The following OGFRL1 variants were observed in gnomAD, a reference collection of about 807,000 sequenced individuals.
OGFRL1 encodes the protein opioid growth factor receptor like 1.
A neutral mutation model predicts 32.4 loss-of-function variants in OGFRL1; 26 were observed. The observed-to-expected ratio is 0.80, with a 90% CI of 0.59 to 1.11. OGFRL1 has a LOEUF of 1.11. Ranked by LOEUF, OGFRL1 falls within the 50% of genes most tolerant of loss-of-function variation. The pLI is 0.00. For missense variants in OGFRL1, 521 were observed against 546.4 expected, an observed-to-expected ratio of 0.95 and a Z score of 0.46; for synonymous variants, 211 against 201.2, an observed-to-expected ratio of 1.05 and a Z score of -0.41.
At chr6:71,293,002 G>A (rs1342988595) in intron 1 of OGFRL1, among the ~76,000 whole-genome samples, 1 of 152,036 alleles carries the variant, frequency 6.6e-6, no homozygotes, top group East Asian at 1.9e-4. Flanking sequence ...TTCCATTTTT[G>A]ATGGATATTG....
intron 1 of OGFRL1, among the ~76,000 whole-genome samples, chr6:71,291,025 G>T (rs1238940183): frequency 2.0e-5 from 3 of 152,158 alleles, no homozygotes; most frequent in Non-Finnish European, 1.5e-5. Context: ...GGAAGATAAG[G>T]GGTTATCAAG....
Position 71,301,649 on chromosome 6 carries a change from A to C in OGFRL1, c.956A>C (p.Gln319Pro), listed in dbSNP as rs201295197. 1.9e-6 allele frequency: 3 copies of C among 1,614,148 alleles called. No individual in the cohort carries two copies. The East Asian group carries it at 6.7e-5, about 36-fold the overall frequency. Residue 319 changes from glutamine (Q) to proline (P), a missense_variant, in exon 7 of 7, where the codon CAG (glutamine) becomes CCG (proline). Physicochemically the swap from Gln to Pro is moderately conservative, Grantham distance 76 (BLOSUM62 -1). Coordinates refer to ENST00000370435, the MANE Select transcript of OGFRL1 (RefSeq NM_024576.5). ...ATCTGGGGACCGCCTCGAAAAGAAC[A>C]GTCGGAGGGAAGCAAAGCCCAGAAA... The part of the protein sequence containing the change: ...NFIWGPPRKE[Q>P]SEGSKAQKMS...
chr6:71,289,227 G>A (rs1765960980), intron 1 of OGFRL1, 57 bp downstream of exon 1: 2 of 1,038,420 alleles, frequency 1.9e-6, no homozygotes, highest in South Asian at 4.3e-5. Context: ...ACCCCAGAGG[G>A]GCAAGTGCCA....
At position 71,305,843 on chromosome 6, in the gene OGFRL1, G is replaced by T. The variant is rs1363125234; in HGVS notation, c.*3794G>T. 1 of 152,048 alleles carries T rather than the reference G, an allele frequency of 6.6e-6. No homozygotes were observed. The highest frequency in any genetic ancestry group is 1.5e-5 in the Non-Finnish European group (1 of 67,974). 9.4% of individuals were successfully genotyped at this position (152,048 alleles called of 1,614,324 possible). A position where few individuals can be genotyped will look rare whatever the true frequency, so the allele number is the denominator to read the frequency against. On this transcript the variant is annotated 3_prime_UTR_variant, in exon 7 of 7. Transcript: ENST00000370435. ...TGGTCAAAAATTGGGTTAACCAATG[G>T]GGGGAGAATATTTGGTTAATTGTTT... is the stretch of plus-strand genomic sequence containing the variant.
chr6:71,296,648 G>T, intron 5 of OGFRL1, 24 bp from the exon 6 acceptor site: 1 of 1,608,710 alleles, frequency 6.2e-7, no homozygotes, highest in South Asian at 1.1e-5. Flanking sequence ...CATTTCAGGT[G>T]ACTTTTTTCA....
Position 71,296,402 on chromosome 6 carries a change from T to C in OGFRL1, c.479+7T>C, listed in dbSNP as rs1418835990. 3 of 1,608,888 alleles carry C rather than the reference T, an allele frequency of 1.9e-6. No individual in the cohort carries two copies. Among genetic ancestry groups the C allele is most frequent in the Admixed American group, 3.3e-5 (2 of 59,904 alleles). On this transcript the variant is annotated splice_region_variant and intron_variant, in intron 4 of 6. Coordinates refer to ENST00000370435, the MANE Select transcript of OGFRL1 (RefSeq NM_024576.5). ...ACCACACTTACATTCAATGGTCAGTTACATATTATCTATCTTGAACCATGT... is the reference window on the plus strand; with the variant it reads ...ACCACACTTACATTCAATGGTCAGTCACATATTATCTATCTTGAACCATGT...
chr6:71,289,155 G>A lies in OGFRL1; in HGVS notation c.219G>A (p.Ala73=), dbSNP rs1765957074. 2 of 1,079,290 alleles carry A rather than the reference G, an allele frequency of 1.9e-6. No homozygotes were observed. Among genetic ancestry groups the A allele is most frequent in the Middle Eastern group, 4.1e-4 (1 of 2,430 alleles). The allele number at this position is 1,079,290 out of a possible 1,614,324, so 66.9% of individuals were successfully genotyped here. Residue 73 remains alanine (A), a synonymous_variant, in exon 1 of 7, where the codon GCG becomes GCA. Transcript: ENST00000370435. ...ASPAPDEDAE[A]AGAEQGGDST... ...CCGCGCCGGACGAGGACGCCGAGGC[G>A]GCGGGCGCCGAGCAGGTACGCGGCC...
intron 6 of OGFRL1, 79 bp from the exon 7 acceptor site, chr6:71,301,307 T>C: frequency 8.3e-7 from 1 of 1,207,696 alleles, no homozygotes; most frequent in Non-Finnish European, 1.2e-6. Context: ...CCATAAAAAA[T>C]ATTTTCCCAA....
intron 6 of OGFRL1, among the ~76,000 whole-genome samples, chr6:71,297,320 G>A (rs1193337862): frequency 2.6e-5 from 4 of 152,062 alleles, no homozygotes; most frequent in Non-Finnish European, 4.4e-5. Flanking sequence ...AATTACACTT[G>A]TCTTCACTAT....
At position 71,301,923 on chromosome 6, in the gene OGFRL1, A is replaced by C. The variant is rs1211383576; in HGVS notation, c.1230A>C (p.Thr410=). ...ACATGAATTCTCAACCTGAGAAAAC[A>C]GTTACTACTCCCACAGAAAAAAAGG... The part of the protein sequence containing the change: ...AENMNSQPEK[T]VTTPTEKKES... Residue 410 remains threonine, a synonymous_variant, in exon 7 of 7, where the codon ACA becomes ACC. Coordinates refer to ENST00000370435, the MANE Select transcript of OGFRL1 (RefSeq NM_024576.5). The C allele has an allele frequency of 3.1e-6, 5 of 1,613,958 alleles. No individual in the cohort carries two copies. The highest frequency in any genetic ancestry group is 4.2e-6 in the Non-Finnish European group (5 of 1,179,990).
chr6:71,300,239 G>C (rs1220451709), intron 6 of OGFRL1, among the ~76,000 whole-genome samples: 1 of 152,184 alleles, frequency 6.6e-6, no homozygotes, highest in Non-Finnish European at 1.5e-5. Flanking sequence ...TACCTGGGCT[G>C]TTGACAACAC....
At position 71,288,906 on chromosome 6, in the gene OGFRL1, C is replaced by CG; in HGVS notation, c.-31_-30insG. On this transcript the variant is annotated 5_prime_UTR_variant, in exon 1 of 7. Transcript: ENST00000370435. ...CTGCCGCAGCTTGCGCCCCGCAGCC[C>CG]CGCAGCCCCGCGCCCGCCGCCGCCT... 1 of 1,291,868 alleles carries CG rather than the reference C, an allele frequency of 7.7e-7. No homozygotes were observed. The highest frequency in any genetic ancestry group is 1.0e-6 in the Non-Finnish European group (1 of 1,002,114). 80.0% of individuals were successfully genotyped at this position (1,291,868 alleles called of 1,614,324 possible).
In OGFRL1 at chr6:71,306,794, A is replaced by G. The variant is rs1378780704; in HGVS notation, c.*4745A>G. 1 of 152,192 alleles carries G rather than the reference A, an allele frequency of 6.6e-6. No individual in the cohort carries two copies. The highest frequency in any genetic ancestry group is 1.5e-5 in the Non-Finnish European group (1 of 68,020). The allele number at this position is 152,192 out of a possible 1,614,324, so 9.4% of individuals were successfully genotyped here. A position where few individuals can be genotyped will look rare whatever the true frequency, so the allele number is the denominator to read the frequency against. ...GCTACATACTATAATTTTCATTTTAAACGTTCCTTAGTTACTACAAATAAT... is the reference window on the plus strand; with the variant it reads ...GCTACATACTATAATTTTCATTTTAGACGTTCCTTAGTTACTACAAATAAT... On this transcript the variant is annotated 3_prime_UTR_variant, in exon 7 of 7. Coordinates refer to ENST00000370435, the MANE Select transcript of OGFRL1 (RefSeq NM_024576.5).
In OGFRL1 at chr6:71,308,966, C is replaced by T. The variant is rs1381853271; in HGVS notation, c.*6917C>T. 6.6e-6 allele frequency: 1 copy of T among 152,020 alleles called. No homozygotes were observed. The highest frequency in any genetic ancestry group is 2.4e-5 in the African/African-American group (1 of 41,398). The allele number at this position is 152,020 out of a possible 1,614,324, so 9.4% of individuals were successfully genotyped here. ...CTAGAAAAAATGACTTGCTGTTTTC[C>T]TGTCATTAAGCATGTATTTTTTATG... On this transcript the variant is annotated 3_prime_UTR_variant, in exon 7 of 7. Transcript: ENST00000370435.
At chr6:71,298,408 A>G (rs1766280701) in intron 6 of OGFRL1, among the ~76,000 whole-genome samples, 1 of 152,216 alleles carries the variant, frequency 6.6e-6, no homozygotes, top group Admixed American at 6.5e-5. Flanking sequence ...CTATCATTTT[A>G]GATACCTCAA....
Position 71,308,952 on chromosome 6 carries a change from G to T in OGFRL1, c.*6903G>T, listed in dbSNP as rs1286525521. The T allele has an allele frequency of 6.6e-6, 1 of 152,090 alleles. No homozygotes were observed. Among genetic ancestry groups the T allele is most frequent in the East Asian group, 1.9e-4 (1 of 5,192 alleles). 9.4% of individuals were successfully genotyped at this position (152,090 alleles called of 1,614,324 possible). ...ATATTTTTAAAGAACTAGAAAAAAT[G>T]ACTTGCTGTTTTCCTGTCATTAAGC... On this transcript the variant is annotated 3_prime_UTR_variant, in exon 7 of 7. Coordinates refer to ENST00000370435, the MANE Select transcript of OGFRL1 (RefSeq NM_024576.5).
chr6:71,298,666 C>G (rs753194026), intron 6 of OGFRL1, among the ~76,000 whole-genome samples: 1 of 152,160 alleles, frequency 6.6e-6, no homozygotes, highest in African/African-American at 2.4e-5. Context: ...CTTTCTGCCA[C>G]CTATTGTCAG....
At chr6:71,297,384 G>A (rs930845079) in intron 6 of OGFRL1, among the ~76,000 whole-genome samples, 5 of 152,098 alleles carry the variant, frequency 3.3e-5, no homozygotes, top group African/African-American at 1.2e-4. Flanking sequence ...AACTTATGAA[G>A]AACATTTTAA....
intron 3 of OGFRL1, chr6:71,295,369 T>C (rs192555839): frequency 6.6e-6 from 1 of 152,306 alleles, no homozygotes; most frequent in African/African-American, 2.4e-5. Flanking sequence ...AAGAATGAGA[T>C]GAGTTATGTT....
Sources: gnomAD v4.1 joint callset for allele counts (sites outside exome capture counted in the v4.1 genomes callset) on GRCh38, gnomAD v4.1.1 for gene constraint, MANE v1.5 for transcripts, NCBI Gene and HGNC (gene_info 2026-07-23, HGNC 2026-07-21) for gene names.